SUSD3: variants seen among roughly 807,000 people sequenced by gnomAD.
SUSD3 encodes sushi domain containing 3.
Under a neutral mutation model 20.6 loss-of-function variants are expected in SUSD3, and 18 were observed. The ratio of observed to expected loss-of-function variants is 0.87; its 90% CI spans 0.60 to 1.30. The LOEUF is 1.30. SUSD3 is among the 50% of genes most tolerant of loss of function. The pLI, the probability that SUSD3 is intolerant of heterozygous loss-of-function variation, is 0.00. For missense variants in SUSD3, 306 were observed against 346.9 expected (o/e 0.88, Z 0.94); for synonymous variants, 137 against 141.5 (o/e 0.97, Z 0.23).
intron 4 of SUSD3, among the ~76,000 whole-genome samples, chr9:93,084,241 G>A (rs1826548398): frequency 6.6e-6 from 1 of 152,046 alleles, no homozygotes; most frequent in Non-Finnish European, 1.5e-5. Flanking sequence ...CACTCTGAAT[G>A]AGCCCCAGGA....
In SUSD3 at chr9:93,077,982, G is replaced by A; in HGVS notation, c.414G>A (p.Arg138=). 6.2e-7 allele frequency: 1 copy of A among 1,614,198 alleles called. No individual in the cohort carries two copies. Residue 138 remains arginine (R), a synonymous_variant, in exon 3 of 5, where the codon CGG becomes CGA. Coordinates refer to ENST00000375472, the MANE Select transcript of SUSD3 (RefSeq NM_145006.4). The stretch of plus-strand genomic sequence containing the variant: ...AGTGCGTGAAGAAGAGCAAGCGGCG[G>A]CGCTCCAACAGGTACGGTGGCCTCA... The part of the protein sequence containing the change: ...LLKCVKKSKR[R]RSNRSAQLWS...
intron 1 of SUSD3, among the ~76,000 whole-genome samples, chr9:93,071,304 A>G (rs1255787299): frequency 1.3e-5 from 2 of 152,230 alleles, no homozygotes; most frequent in South Asian, 2.1e-4. Context: ...AAACCTCAAA[A>G]GTAGGGAAGA....
At chr9:93,060,527 G>A (rs1339848948) in intron 1 of SUSD3, among the ~76,000 whole-genome samples, 3 of 152,230 alleles carry the variant, frequency 2.0e-5, no homozygotes, top group Admixed American at 2.0e-4. Context: ...CCTTTGGAGA[G>A]GATTTGACAC....
chr9:93,059,626 T>TA, intron 1 of SUSD3, among the ~76,000 whole-genome samples: 1 of 152,254 alleles, frequency 6.6e-6, no homozygotes, highest in South Asian at 2.1e-4. Flanking sequence ...CCACGAACGT[T>TA]AGGCCTGAGG....
intron 1 of SUSD3, among the ~76,000 whole-genome samples, chr9:93,072,366 C>T (rs1825945437): frequency 6.6e-6 from 1 of 152,218 alleles, no homozygotes; most frequent in Non-Finnish European, 1.5e-5. Flanking sequence ...AGGGGGACCA[C>T]TGGGTGCTGC....
chr9:93,083,052 T>A (rs2119014353), intron 4 of SUSD3, among the ~76,000 whole-genome samples: 1 of 152,224 alleles, frequency 6.6e-6, no homozygotes, highest in South Asian at 2.1e-4. Context: ...TACAGGGCTG[T>A]GTTCACCCCC....
intron 4 of SUSD3, among the ~76,000 whole-genome samples, chr9:93,083,358 C>T (rs1334769660): frequency 1.3e-5 from 2 of 152,062 alleles, no homozygotes; most frequent in Admixed American, 1.3e-4. Context: ...CCCTGGGCCC[C>T]GGGCTCCCAG....
In SUSD3 at chr9:93,058,732, G is replaced by A. The variant is rs1396829611; in HGVS notation, c.-11G>A. 3.2e-6 allele frequency: 4 copies of A among 1,232,258 alleles called. No individual in the cohort carries two copies. In the African/African-American group the frequency reaches 4.7e-5, roughly 14 times the overall value. 76.3% of individuals were successfully genotyped at this position (1,232,258 alleles called of 1,614,324 possible). On this transcript the variant is annotated 5_prime_UTR_variant, in exon 1 of 5. Transcript: ENST00000375472. ...CTGGCAGACCCCGCCAAGCGCCTCG[G>A]AGCGCGCAGGATGCGCTGGGCGGCC...
chr9:93,063,860 G>GC (rs549023437), intron 1 of SUSD3, among the ~76,000 whole-genome samples: 1 of 152,130 alleles, frequency 6.6e-6, no homozygotes, highest in African/African-American at 2.4e-5. Context: ...TGCGTTTAAG[G>GC]CCCCCCAGCC....
At chr9:93,074,243 A>C (rs1291911247) in intron 1 of SUSD3, among the ~76,000 whole-genome samples, 1 of 151,968 alleles carries the variant, frequency 6.6e-6, no homozygotes, top group African/African-American at 2.4e-5. Flanking sequence ...ATCATGGCCA[A>C]CATGGTGAAA....
intron 4 of SUSD3, among the ~76,000 whole-genome samples, chr9:93,081,470 C>A (rs1826411669): frequency 1.3e-5 from 2 of 152,150 alleles, no homozygotes; most frequent in African/African-American, 4.8e-5. Flanking sequence ...CTCACCCTTT[C>A]AAGTTGTTGA....
At chr9:93,072,386 G>A (rs954848025) in intron 1 of SUSD3, among the ~76,000 whole-genome samples, 2 of 152,150 alleles carry the variant, frequency 1.3e-5, no homozygotes. Context: ...CTGGGGAGTG[G>A]GTCAATGTGA....
intron 2 of SUSD3, among the ~76,000 whole-genome samples, chr9:93,076,980 C>T (rs1301051913): frequency 6.6e-6 from 1 of 152,244 alleles, no homozygotes; most frequent in Non-Finnish European, 1.5e-5. Context: ...TTCTTATCTT[C>T]CACTGGCCAG....
At position 93,075,783 on chromosome 9, in the gene SUSD3, G is replaced by C; in HGVS notation, c.89-1G>C. 2 of 1,319,748 alleles carry C rather than the reference G, an allele frequency of 1.5e-6. No individual in the cohort carries two copies. Among genetic ancestry groups the C allele is most frequent in the East Asian group, 4.0e-5 (1 of 25,204 alleles). 81.8% of individuals were successfully genotyped at this position (1,319,748 alleles called of 1,614,324 possible). A position where few individuals can be genotyped will look rare whatever the true frequency, so the allele number is the denominator to read the frequency against. On this transcript the variant is annotated splice_acceptor_variant, in intron 1 of 4. Coordinates refer to ENST00000375472, the MANE Select transcript of SUSD3 (RefSeq NM_145006.4). LOFTEE classifies it high-confidence loss of function. ...TGCCTCATACCTGCCTGTCTCCCCA[G>C]GCACGTGCGCTAAGCTGCGGCTACC...
chr9:93,084,025 A>G (rs1313097141), intron 4 of SUSD3, among the ~76,000 whole-genome samples: 1 of 152,032 alleles, frequency 6.6e-6, no homozygotes, highest in Non-Finnish European at 1.5e-5. Context: ...AGCCTGGGGA[A>G]TGGCTTGGTT....
chr9:93,084,502 ACT>A, intron 4 of SUSD3, 33 bp from the exon 5 acceptor site: 1 of 1,537,178 alleles, frequency 6.5e-7, no homozygotes. Flanking sequence ...CCCTATCCAC[ACT>A]CTTTTGCCAA....
intron 1 of SUSD3, among the ~76,000 whole-genome samples, chr9:93,064,127 C>A (rs544932071): frequency 1.3e-5 from 2 of 152,084 alleles, no homozygotes; most frequent in African/African-American, 4.8e-5. Flanking sequence ...TGGCTCACTG[C>A]GGCTTCTGCC....
At chr9:93,083,984 G>T (rs1826531628) in intron 4 of SUSD3, among the ~76,000 whole-genome samples, 1 of 151,778 alleles carries the variant, frequency 6.6e-6, no homozygotes, top group African/African-American at 2.4e-5. Context: ...GTGTGTGGAG[G>T]CTGGAGATGG....
chr9:93,075,795 A>G lies in SUSD3; in HGVS notation c.100A>G (p.Lys34Glu). ...GCCTGTCTCCCCAGGCACGTGCGCT[A>G]AGCTGCGGCTACCCCCGCAAGCAAC... ...APGNRTGTCA[K>E]LRLPPQATFQ... The change falls in exon 2 of 5, where the codon AAG becomes GAG. Residue 34 changes from lysine (K) to glutamate (E), a missense_variant. Coordinates refer to ENST00000375472, the MANE Select transcript of SUSD3 (RefSeq NM_145006.4). 1 of 1,413,020 alleles carries G rather than the reference A, an allele frequency of 7.1e-7. No homozygotes were observed. Among genetic ancestry groups the G allele is most frequent in the Non-Finnish European group, 9.4e-7 (1 of 1,062,482 alleles). 87.5% of individuals were successfully genotyped at this position (1,413,020 alleles called of 1,614,324 possible). A position where few individuals can be genotyped will look rare whatever the true frequency, so the allele number is the denominator to read the frequency against.
Sources: gnomAD v4.1 joint callset for allele counts (sites outside exome capture counted in the v4.1 genomes callset) on GRCh38, gnomAD v4.1.1 for gene constraint, MANE v1.5 for transcripts, NCBI Gene and HGNC (gene_info 2026-07-23, HGNC 2026-07-21) for gene names.